HEMK1: variants seen among roughly 807,000 people sequenced by gnomAD.
The protein encoded by HEMK1 is MTRF1L release factor glutamine methyltransferase.
In HEMK1, 36 loss-of-function variants were observed where a neutral mutation model predicts 47.9. The observed-to-expected ratio is 0.75, with a 90% CI of 0.58 to 0.99. The LOEUF (loss-of-function observed/expected upper bound fraction) is 0.99. Among genes scored for constraint, HEMK1 ranks in the 50% least tolerant of loss-of-function variants. The pLI, the probability that HEMK1 is intolerant of heterozygous loss-of-function variation, is 0.00. For synonymous variants in HEMK1, 153 were observed against 165.4 expected (o/e 0.93, Z 0.57); for missense variants, 383 against 434.5 (o/e 0.88, Z 1.05).
chr3:50,580,385 C>G lies in HEMK1; in HGVS notation c.985C>G (p.Arg329Gly). Residue 329 changes from arginine (R) to glycine (G), a missense_variant, in exon 11 of 11, where the codon CGG becomes GGG. Coordinates refer to ENST00000232854, the MANE Select transcript of HEMK1 (RefSeq NM_016173.5). The stretch of plus-strand genomic sequence containing the variant: ...CCCCTGTCCCTGTCTCCTCAGGCCC[C>G]GGTTCCTGCATATCCGGAGGTCTGG... ...AVRRDFCGRP[R>G]FLHIRRSGP 6.2e-7 allele frequency: 1 copy of G among 1,614,172 alleles called. No homozygotes were observed.
At position 50,593,770 on chromosome 3, in the gene HEMK1, G is replaced by A. The variant is rs1176106665; in HGVS notation, c.*13353G>A. 1 of 145,456 alleles carries A rather than the reference G, an allele frequency of 6.9e-6. No individual in the cohort carries two copies. Among genetic ancestry groups the A allele is most frequent in the Non-Finnish European group, 1.5e-5 (1 of 67,004 alleles). 9.0% of individuals were successfully genotyped at this position (145,456 alleles called of 1,614,324 possible). On this transcript the variant is annotated 3_prime_UTR_variant, in exon 11 of 11. Coordinates refer to ENST00000232854, the MANE Select transcript of HEMK1 (RefSeq NM_016173.5). ...TTCTTTTTTTTTTTTTTGAGACAAAGTGCCACTCTGTTGCCCAGACTGGAG... is the reference window on the plus strand; with the variant it reads ...TTCTTTTTTTTTTTTTTGAGACAAAATGCCACTCTGTTGCCCAGACTGGAG...
intron 2 of HEMK1, 107 bp from the exon 3 acceptor site, chr3:50,571,603 G>A (rs1403481573): frequency 3.8e-6 from 4 of 1,040,360 alleles, no homozygotes; most frequent in Non-Finnish European, 6.0e-6. Flanking sequence ...GATGATGAGA[G>A]GGTTGGGCCT....
chr3:50,580,227 G>A lies in HEMK1; in HGVS notation c.978G>A (p.Gly326=), dbSNP rs1275499764. The A allele has an allele frequency of 6.2e-7, 1 of 1,613,670 alleles. No homozygotes were observed. The highest frequency in any genetic ancestry group is 1.3e-5 in the African/African-American group (1 of 74,908). ...NLVAVRRDFC[G]RPRFLHIRRS... ...TGGCTGTGCGCAGGGACTTCTGTGG[G>A]AGGTAAGATCCTAGCCCCCTTTAGC... Residue 326 remains glycine, a splice_region_variant and synonymous_variant, in exon 10 of 11, where the codon GGG becomes GGA. Transcript: ENST00000232854.
rs568195830 is a variant in HEMK1, at chr3:50,590,837, C to T, written c.*10420C>T. On this transcript the variant is annotated 3_prime_UTR_variant, in exon 11 of 11. Coordinates refer to ENST00000232854, the MANE Select transcript of HEMK1 (RefSeq NM_016173.5). Reference sequence around the variant, plus strand: ...CATGGGCTAGGGACTTACCCAGGCCCTTGGTGGTGCCTCCAAGGGTGGAAA... The same window carrying T: ...CATGGGCTAGGGACTTACCCAGGCCTTTGGTGGTGCCTCCAAGGGTGGAAA... 1 of 152,330 alleles carries T rather than the reference C, an allele frequency of 6.6e-6. No homozygotes were observed. The highest frequency in any genetic ancestry group is 2.1e-4 in the South Asian group (1 of 4,826). The allele number at this position is 152,330 out of a possible 1,614,324, so 9.4% of individuals were successfully genotyped here. A position where few individuals can be genotyped will look rare whatever the true frequency, so the allele number is the denominator to read the frequency against.
chr3:50,590,221 T>A lies in HEMK1; in HGVS notation c.*9804T>A, dbSNP rs1339438916. 2.0e-5 allele frequency: 3 copies of A among 150,614 alleles called. No individual in the cohort carries two copies. The South Asian group carries it at 6.3e-4, about 31-fold the overall frequency. 9.3% of individuals were successfully genotyped at this position (150,614 alleles called of 1,614,324 possible). On this transcript the variant is annotated 3_prime_UTR_variant, in exon 11 of 11. Transcript: ENST00000232854. ...TTTAAAAATAATAATTTTAAAAAAA[T>A]GTTTTAAAAATGAAAGAAAAGGAAG...
Position 50,593,040 on chromosome 3 carries a change from A to C in HEMK1, c.*12623A>C, listed in dbSNP as rs2031805280. ...CCCCTCCACTACATGGCCCCAGACC[A>C]AGTTCTCTGCCAGTTTGCAGAGCTC... is the stretch of plus-strand genomic sequence containing the variant. On this transcript the variant is annotated 3_prime_UTR_variant, in exon 11 of 11. Transcript: ENST00000232854. 1 of 152,142 alleles carries C rather than the reference A, an allele frequency of 6.6e-6. No individual in the cohort carries two copies. Among genetic ancestry groups the C allele is most frequent in the East Asian group, 1.9e-4 (1 of 5,178 alleles). The allele number at this position is 152,142 out of a possible 1,614,324, so 9.4% of individuals were successfully genotyped here. A position where few individuals can be genotyped will look rare whatever the true frequency, so the allele number is the denominator to read the frequency against.
Position 50,571,251 on chromosome 3 carries a change from TG to T in HEMK1, c.151del (p.Val51SerfsTer30), listed in dbSNP as rs773101366. ...CCATAGAACTGGTCAGCCACTGGAC[TG>T]GGGTCTTTGAGAAGAGGGGTATCCC... is the stretch of plus-strand genomic sequence containing the variant. ...SAIELVSHWTGVFEKRGIPEA... is the reference protein window; with the variant it reads ...SAIELVSHWTXVFEKRGIPEA... On this transcript the variant is annotated frameshift_variant, in exon 2 of 11. Coordinates refer to ENST00000232854, the MANE Select transcript of HEMK1 (RefSeq NM_016173.5). LOFTEE classifies it high-confidence loss of function. 3.0e-5 allele frequency: 49 copies of T among 1,613,478 alleles called. No homozygotes were observed. The East Asian group carries it at 1.0e-3, about 34-fold the overall frequency.
chr3:50,585,907 T>G lies in HEMK1; in HGVS notation c.*5490T>G, dbSNP rs1685183179. The G allele has an allele frequency of 6.6e-6, 1 of 152,222 alleles. No homozygotes were observed. The highest frequency in any genetic ancestry group is 2.4e-5 in the African/African-American group (1 of 41,464). The allele number at this position is 152,222 out of a possible 1,614,324, so 9.4% of individuals were successfully genotyped here. On this transcript the variant is annotated 3_prime_UTR_variant, in exon 11 of 11. Transcript: ENST00000232854. ...TTGCTTCCAAAGGCCTGGGGTTAGT[T>G]AATTAAGTCAATTAGGTGGTGCTCA...
In HEMK1 at chr3:50,583,159, G is replaced by C. The variant is rs1559466867; in HGVS notation, c.*2742G>C. 6.6e-6 allele frequency: 1 copy of C among 152,224 alleles called. No homozygotes were observed. The highest frequency in any genetic ancestry group is 2.1e-4 in the South Asian group (1 of 4,836). The allele number at this position is 152,224 out of a possible 1,614,324, so 9.4% of individuals were successfully genotyped here. A position where few individuals can be genotyped will look rare whatever the true frequency, so the allele number is the denominator to read the frequency against. ...TCCCTGTTTGATGTACTCTGGGAGA[G>C]TAATTCTATCTCCTCTTCTGATAGT... On this transcript the variant is annotated 3_prime_UTR_variant, in exon 11 of 11. Transcript: ENST00000232854.
Position 50,577,890 on chromosome 3 carries a change from A to C in HEMK1, c.664+15A>C. 4 of 1,613,192 alleles carry C rather than the reference A, an allele frequency of 2.5e-6. No homozygotes were observed. Among genetic ancestry groups the C allele is most frequent in the Non-Finnish European group, 3.4e-6 (4 of 1,179,184 alleles). ...CATGACCTCAGGTACCCTCCCCTGC[A>C]TGTTCCTTGAGAGAGGGAGACTAGA... is the stretch of plus-strand genomic sequence containing the variant. On this transcript the variant is annotated intron_variant, in intron 7 of 10. Transcript: ENST00000232854.
intron 1 of HEMK1, 53 bp from the exon 2 acceptor site, chr3:50,570,878 A>AG (rs939397287): frequency 1.0e-4 from 45 of 444,970 alleles, no homozygotes; most frequent in Admixed American, 7.0e-4. Context: ...TATTGGTAGA[A>AG]GGGGGGGTGT....
intron 9 of HEMK1, 81 bp downstream of exon 9, chr3:50,580,020 G>T (rs2030537582): frequency 2.6e-6 from 4 of 1,520,230 alleles, no homozygotes; most frequent in Non-Finnish European, 3.6e-6. Flanking sequence ...CCCTGGCAGA[G>T]GTCAGCACAG....
chr3:50,576,012 C>T (rs1169153768), intron 4 of HEMK1, among the ~76,000 whole-genome samples: 1 of 152,212 alleles, frequency 6.6e-6, no homozygotes, highest in East Asian at 1.9e-4. Flanking sequence ...AAATGTCCTC[C>T]TGCTGCCAGG....
At chr3:50,579,962 A>G (rs371169528) in intron 9 of HEMK1, 23 bp downstream of exon 9, 125 of 1,596,300 alleles carry the variant, frequency 7.8e-5, no homozygotes, top group South Asian at 4.3e-4. Context: ...TGGGTCTCCT[A>G]GGTCTGTCCC....
chr3:50,571,053 A>C lies in HEMK1; in HGVS notation c.-52A>C. 7.0e-7 allele frequency: 1 copy of C among 1,419,560 alleles called. No individual in the cohort carries two copies. The highest frequency in any genetic ancestry group is 9.6e-7 in the Non-Finnish European group (1 of 1,039,298). The allele number at this position is 1,419,560 out of a possible 1,614,324, so 87.9% of individuals were successfully genotyped here. ...AGCACTCACCTCAGCAGCTGACATC[A>C]TAAAGCAGACTTGGGAACCTGGAAG... On this transcript the variant is annotated 5_prime_UTR_variant, in exon 2 of 11. Transcript: ENST00000232854.
Position 50,571,050 on chromosome 3 carries a change from A to G in HEMK1, c.-55A>G. The stretch of plus-strand genomic sequence containing the variant: ...CTCAGCACTCACCTCAGCAGCTGAC[A>G]TCATAAAGCAGACTTGGGAACCTGG... On this transcript the variant is annotated 5_prime_UTR_variant, in exon 2 of 11. Coordinates refer to ENST00000232854, the MANE Select transcript of HEMK1 (RefSeq NM_016173.5). The G allele has an allele frequency of 3.6e-6, 5 of 1,378,166 alleles. No homozygotes were observed. The highest frequency in any genetic ancestry group is 3.0e-6 in the Non-Finnish European group (3 of 1,004,694). The allele number at this position is 1,378,166 out of a possible 1,614,324, so 85.4% of individuals were successfully genotyped here.
chr3:50,580,717 AC>A lies in HEMK1; in HGVS notation c.*305del, dbSNP rs2030692854. On this transcript the variant is annotated 3_prime_UTR_variant, in exon 11 of 11. Transcript: ENST00000232854. ...TTGTCCATGACTTGCAGGTCCCCTG[AC>A]CCCCTTACTCCCAGGTAGCACTGGG... 1 of 444,240 alleles carries A rather than the reference AC, an allele frequency of 2.3e-6. No individual in the cohort carries two copies. The highest frequency in any genetic ancestry group is 4.0e-5 in the Admixed American group (1 of 25,104). The allele number at this position is 444,240 out of a possible 1,614,324, so 27.5% of individuals were successfully genotyped here. A position where few individuals can be genotyped will look rare whatever the true frequency, so the allele number is the denominator to read the frequency against.
Position 50,575,649 on chromosome 3 carries a change from T to A in HEMK1, c.415-1403T>A, listed in dbSNP as rs1701507167. On this transcript the variant is annotated intron_variant, in intron 4 of 10. Coordinates refer to ENST00000232854, the MANE Select transcript of HEMK1 (RefSeq NM_016173.5). ...CTTGAGGAAGGCTTTCTGGAATAGG[T>A]AGTCCTCTTTTCAGATCAGGGAAGC... Among the ~76,000 whole-genome samples, 2 of 151,920 alleles carry A rather than the reference T, an allele frequency of 1.3e-5. 1 individual carries two copies. Among genetic ancestry groups the A allele is most frequent in the South Asian group, 4.1e-4 (2 of 4,822 alleles).
rs1179321874 is a variant in HEMK1 at position 50,588,809 on chromosome 3, G to C, written c.*8392G>C. 6.6e-6 allele frequency: 1 copy of C among 152,196 alleles called. No homozygotes were observed. Among genetic ancestry groups the C allele is most frequent in the African/African-American group, 2.4e-5 (1 of 41,408 alleles). 9.4% of individuals were successfully genotyped at this position (152,196 alleles called of 1,614,324 possible). Reference sequence around the variant, plus strand: ...CAGGTCCCTAGGCCTGTGAGGTTCTGGGATGAGGCACCAGATGGATGTGTC... The same window carrying C: ...CAGGTCCCTAGGCCTGTGAGGTTCTCGGATGAGGCACCAGATGGATGTGTC... On this transcript the variant is annotated 3_prime_UTR_variant, in exon 11 of 11. Coordinates refer to ENST00000232854, the MANE Select transcript of HEMK1 (RefSeq NM_016173.5).
Sources: gnomAD v4.1 joint callset for allele counts (sites outside exome capture counted in the v4.1 genomes callset) on GRCh38, gnomAD v4.1.1 for gene constraint, MANE v1.5 for transcripts, NCBI Gene and HGNC (gene_info 2026-07-23, HGNC 2026-07-21) for gene names.